The following GLT8D2 variants were observed in gnomAD, a reference collection of about 807,000 sequenced individuals.
The protein encoded by GLT8D2 is glycosyltransferase 8 domain containing 2.
A neutral mutation model predicts 44.5 loss-of-function variants in GLT8D2; 45 were observed. The ratio of observed to expected loss-of-function variants is 1.01; its 90% confidence interval spans 0.80 to 1.30. The LOEUF is 1.30. Among genes scored for constraint, GLT8D2 ranks in the 50% most tolerant of loss-of-function variants. The pLI is 0.00. For synonymous variants in GLT8D2, 156 were observed against 157.2 expected, an observed-to-expected ratio of 0.99 and a Z score of 0.06; for missense variants, 400 against 430.4, an observed-to-expected ratio of 0.93 and a Z score of 0.62.
rs1289391670 is a variant in GLT8D2, at chr12:103,989,578, C to A, written c.881-1G>T. Reference sequence around the variant, plus strand: ...GAATATCTGGCATCTGGATTCCAGCCTTCATTGTGTATAGAGAAAAAATAA... The same window carrying A: ...GAATATCTGGCATCTGGATTCCAGCATTCATTGTGTATAGAGAAAAAATAA... On this transcript the variant is annotated splice_acceptor_variant, in intron 10 of 10. Transcript: ENST00000360814. LOFTEE classifies it high-confidence loss of function. The A allele has an allele frequency of 6.2e-7, 1 of 1,609,350 alleles. No homozygotes were observed. Among genetic ancestry groups the A allele is most frequent in the Non-Finnish European group, 8.5e-7 (1 of 1,177,634 alleles).
intron 5 of GLT8D2, 79 bp from the exon 6 acceptor site, chr12:103,999,593 G>C (rs1873939859): frequency 6.3e-6 from 5 of 799,894 alleles, no homozygotes; most frequent in Middle Eastern, 3.7e-4. Context: ...AGGTCAATCT[G>C]TTGCCTCCCT....
chr12:104,030,680 C>A, intron 1 of GLT8D2: 1 of 1,561,450 alleles, frequency 6.4e-7, no homozygotes, highest in Non-Finnish European at 8.8e-7. Context: ...GAAACTCATA[C>A]AACTCAATAG....
At chr12:104,020,756 G>T (rs556099301) in intron 2 of GLT8D2, among the ~76,000 whole-genome samples, 1 of 152,288 alleles carries the variant, frequency 6.6e-6, no homozygotes, top group South Asian at 2.1e-4. Flanking sequence ...ACATGCAGAG[G>T]AGCATCCCAG....
intron 3 of GLT8D2, among the ~76,000 whole-genome samples, chr12:104,018,593 G>GC (rs1464471666): frequency 6.6e-6 from 1 of 152,106 alleles, no homozygotes; most frequent in East Asian, 1.9e-4. Flanking sequence ...ACCTGCCACG[G>GC]CCGGGCGCAG....
At chr12:104,007,609 A>G (rs559943402) in intron 4 of GLT8D2, among the ~76,000 whole-genome samples, 1 of 152,208 alleles carries the variant, frequency 6.6e-6, no homozygotes, top group Non-Finnish European at 1.5e-5. Context: ...TTTGATCACT[A>G]TTTGATACAT....
At chr12:104,017,447 C>T (rs770887292) in intron 3 of GLT8D2, among the ~76,000 whole-genome samples, 15 of 152,194 alleles carry the variant, frequency 9.9e-5, no homozygotes, top group African/African-American at 2.6e-4. Context: ...CTCAGCCTCC[C>T]GAGTAGCTGG....
At chr12:104,003,618 C>G (rs1268478526) in intron 4 of GLT8D2, among the ~76,000 whole-genome samples, 1 of 152,138 alleles carries the variant, frequency 6.6e-6, no homozygotes, top group Non-Finnish European at 1.5e-5. Context: ...TCACTCACCC[C>G]CTTGCCTTTC....
At chr12:104,036,428 G>A (rs1879936430) in intron 1 of GLT8D2, among the ~76,000 whole-genome samples, 1 of 152,138 alleles carries the variant, frequency 6.6e-6, no homozygotes, top group Non-Finnish European at 1.5e-5. Flanking sequence ...CTCATGTGCA[G>A]AGACACATAC....
chr12:104,055,512 G>A lies in GLT8D2; in HGVS notation c.-422-5224C>T, dbSNP rs188018780. Among the ~76,000 whole-genome samples the A allele has an allele frequency of 2.0e-5, 3 of 152,316 alleles. No homozygotes were observed. In the South Asian group the frequency reaches 6.2e-4, roughly 32 times the overall value. On this transcript the variant is annotated intron_variant, in intron 1 of 10. Coordinates refer to the GLT8D2 transcript ENST00000548660. Reference sequence around the variant, plus strand: ...TGTGAGGAAAATAAACCCTTAAGTGGTCAACTAAGTTTGGTTAGATTTAGT... The same window carrying A: ...TGTGAGGAAAATAAACCCTTAAGTGATCAACTAAGTTTGGTTAGATTTAGT...
chr12:104,030,805 C>G, intron 1 of GLT8D2: 3 of 1,608,300 alleles, frequency 1.9e-6, no homozygotes, highest in Non-Finnish European at 2.5e-6. Context: ...TGGTGCTGAT[C>G]CGGCACGGCG....
chr12:103,997,367 A>T (rs1873574937), intron 7 of GLT8D2, 84 bp downstream of exon 7: 3 of 961,704 alleles, frequency 3.1e-6, no homozygotes, highest in Middle Eastern at 2.1e-4. Context: ...CTGCACAATT[A>T]GTTATTTGAA....
At chr12:104,062,833 A>G (rs140282812) in intron 1 of GLT8D2, among the ~76,000 whole-genome samples, 2 of 152,264 alleles carry the variant, frequency 1.3e-5, no homozygotes, top group East Asian at 3.9e-4. Flanking sequence ...GATATACAAT[A>G]TGAAGTTGAT....
chr12:104,051,348 AATGAT>A (rs1365988371), upstream of GLT8D2, among the ~76,000 whole-genome samples: 2 of 152,186 alleles, frequency 1.3e-5, no homozygotes, highest in Non-Finnish European at 1.5e-5. Flanking sequence ...AATTTATCTT[AATGAT>A]ATATTTTACT....
chr12:104,052,852 C>T (rs1461676623), upstream of GLT8D2, among the ~76,000 whole-genome samples: 3 of 152,090 alleles, frequency 2.0e-5, no homozygotes, highest in Admixed American at 1.3e-4. Context: ...CTCAGCCTCC[C>T]GAGTAGCTGG....
At chr12:103,989,712 CA>C in intron 10 of GLT8D2, 135 bp from the exon 11 acceptor site, 1 of 716,688 alleles carries the variant, frequency 1.4e-6, no homozygotes, top group Non-Finnish European at 2.2e-6. Context: ...CTACCCACCC[CA>C]GGTCTCCAAA....
intron 1 of GLT8D2, among the ~76,000 whole-genome samples, chr12:104,057,580 G>T (rs972281193): frequency 6.6e-5 from 10 of 150,848 alleles, no homozygotes; most frequent in Non-Finnish European, 1.2e-4. Context: ...GCATAATAAA[G>T]AAATATTAGG....
chr12:104,019,421 C>G (rs1413865400), intron 3 of GLT8D2, among the ~76,000 whole-genome samples: 1 of 152,100 alleles, frequency 6.6e-6, no homozygotes, highest in Non-Finnish European at 1.5e-5. Flanking sequence ...AGCCAGTGCG[C>G]CCAGCCGATA....
At position 103,997,428 on chromosome 12, in the gene GLT8D2, T is replaced by C. The variant is rs778662823; in HGVS notation, c.487+23A>G. 1.1e-5 allele frequency: 17 copies of C among 1,526,792 alleles called. No individual in the cohort carries two copies. In the South Asian group the frequency reaches 1.2e-4, roughly 11 times the overall value. 94.6% of individuals were successfully genotyped at this position (1,526,792 alleles called of 1,614,324 possible). ...TTATCAGCTGCTTCTTTTCCAAGTG[T>C]TCTTGGCAGTTAGCGAGAGTACCTT... is the stretch of plus-strand genomic sequence containing the variant. On this transcript the variant is annotated intron_variant, in intron 7 of 10. Coordinates refer to ENST00000360814, the MANE Select transcript of GLT8D2 (RefSeq NM_001384711.1).
chr12:104,043,863 T>C (rs755177127), intron 1 of GLT8D2, among the ~76,000 whole-genome samples: 1 of 152,222 alleles, frequency 6.6e-6, no homozygotes, highest in African/African-American at 2.4e-5. Context: ...ACAGCAAATC[T>C]TGTCAGTTCC....
Sources: allele counts gnomAD v4.1 joint callset (sites outside exome capture counted in the v4.1 genomes callset), GRCh38; gene constraint gnomAD v4.1.1; transcripts MANE v1.5; gene names NCBI Gene and HGNC (gene_info 2026-07-23, HGNC 2026-07-21).